SEC23B: variants seen among roughly 807,000 people sequenced by gnomAD.
The protein encoded by SEC23B is SEC23 homolog B, COPII component, also known as protein transport protein Sec23B.
SEC23B carries 77 observed loss-of-function variants against 104.3 expected under a neutral mutation model. That is an observed-to-expected ratio of 0.74 (90% CI 0.61 to 0.89). The LOEUF (loss-of-function observed/expected upper bound fraction) is 0.89, where lower values mean the gene tolerates loss of function less well. Among genes scored for constraint, SEC23B ranks in the 40% least tolerant of loss-of-function variants. SEC23B has a pLI of 0.00. For missense variants in SEC23B, 885 were observed against 949.4 expected, an observed-to-expected ratio of 0.93 and a Z score of 0.89; for synonymous variants, 338 against 332.5, an observed-to-expected ratio of 1.02 and a Z score of -0.18.
intron 4 of SEC23B, among the ~76,000 whole-genome samples, chr20:18,516,248 CTTTT>C (rs71194246): frequency 7.2e-6 from 1 of 139,044 alleles, no homozygotes; most frequent in African/African-American, 2.7e-5. Context: ...CACAGTAATT[CTTTT>C]TTTTTTTTTT....
intron 12 of SEC23B, among the ~76,000 whole-genome samples, chr20:18,537,846 T>G (rs896359684): frequency 6.6e-6 from 1 of 152,208 alleles, no homozygotes; most frequent in African/African-American, 2.4e-5. Flanking sequence ...CATACTCTTT[T>G]GCTGGTGGAA....
intron 12 of SEC23B, 106 bp downstream of exon 12, chr20:18,535,848 G>A: frequency 1.2e-6 from 1 of 865,898 alleles, no homozygotes; most frequent in Non-Finnish European, 1.9e-6. Context: ...ATATTCCTTG[G>A]GTATTGTATT....
chr20:18,519,544 G>A (rs529302854), intron 4 of SEC23B, among the ~76,000 whole-genome samples: 5 of 152,230 alleles, frequency 3.3e-5, no homozygotes, highest in African/African-American at 1.2e-4. Flanking sequence ...TACAGTGCGC[G>A]GTCCCGTTCC....
intron 8 of SEC23B, among the ~76,000 whole-genome samples, chr20:18,526,798 G>GATATTTTGAAAAT (rs1600243900): frequency 6.6e-6 from 1 of 152,144 alleles, no homozygotes; most frequent in East Asian, 1.9e-4. Context: ...ATGATTTCCA[G>GATATTTTGAAAAT]GCCAGTCCCG....
At chr20:18,510,602 T>C (rs927137646) in intron 1 of SEC23B, among the ~76,000 whole-genome samples, 2 of 152,092 alleles carry the variant, frequency 1.3e-5, no homozygotes, top group South Asian at 2.1e-4. Flanking sequence ...CTGCCTCTAC[T>C]AAAAATACAA....
At chr20:18,508,716 CT>C (rs398035473) in intron 1 of SEC23B, among the ~76,000 whole-genome samples, 31 of 97,486 alleles carry the variant, frequency 3.2e-4, no homozygotes, top group African/African-American at 9.9e-4. Flanking sequence ...GCAGTAGCTT[CT>C]TTTTTTTTTT....
At chr20:18,551,279 G>T in intron 17 of SEC23B, 104 bp downstream of exon 17, 1 of 687,814 alleles carries the variant, frequency 1.5e-6, no homozygotes, top group Non-Finnish European at 2.5e-6. Context: ...CCTTAACTAT[G>T]GTTTTTGTTT....
chr20:18,552,156 T>A (rs1424790485), intron 17 of SEC23B, among the ~76,000 whole-genome samples: 6 of 151,678 alleles, frequency 4.0e-5, no homozygotes, highest in Middle Eastern at 6.8e-3. Context: ...AAATTGGTTA[T>A]TGATTTGGTT....
intron 12 of SEC23B, among the ~76,000 whole-genome samples, chr20:18,536,524 C>T (rs1321943054): frequency 6.6e-6 from 1 of 152,084 alleles, no homozygotes; most frequent in Admixed American, 6.5e-5. Flanking sequence ...AACCCTGTCT[C>T]TACTAAAAAT....
intron 15 of SEC23B, 94 bp downstream of exon 15, chr20:18,546,127 G>T (rs2060329413): frequency 3.8e-6 from 3 of 792,492 alleles, no homozygotes; most frequent in Non-Finnish European, 6.6e-6. Flanking sequence ...TTTTTAATGT[G>T]TTGAGACTCA....
At chr20:18,517,517 A>G (rs764487662) in intron 4 of SEC23B, among the ~76,000 whole-genome samples, 2 of 152,116 alleles carry the variant, frequency 1.3e-5, no homozygotes, top group Non-Finnish European at 2.9e-5. Flanking sequence ...GTCATAGGGG[A>G]TATGATGGCT....
chr20:18,546,176 A>G, intron 15 of SEC23B, 143 bp downstream of exon 15: 1 of 650,866 alleles, frequency 1.5e-6, no homozygotes, highest in South Asian at 1.7e-5. Context: ...CAAGTCGAAT[A>G]TGTGTCTAGG....
chr20:18,517,259 A>G (rs767569808), intron 4 of SEC23B, among the ~76,000 whole-genome samples: 1 of 152,146 alleles, frequency 6.6e-6, no homozygotes, highest in Non-Finnish European at 1.5e-5. Flanking sequence ...TAGTTCTTAT[A>G]GGTTTTGGGA....
chr20:18,524,521 A>G lies in SEC23B; in HGVS notation c.455A>G (p.Gln152Arg), dbSNP rs1177316380. The G allele has an allele frequency of 1.2e-6, 2 of 1,614,090 alleles. No homozygotes were observed. Among genetic ancestry groups the G allele is most frequent in the African/African-American group, 1.3e-5 (1 of 74,942 alleles). ...CTTCAAGCACTCAAAGAGTCCCTGC[A>G]GATGTCCCTGAGTCTTCTTCCTCCA... The part of the protein sequence containing the change: ...DDLQALKESL[Q>R]MSLSLLPPDA... Residue 152 changes from glutamine to arginine, a missense_variant, in exon 5 of 20, where the codon CAG (glutamine) becomes CGG (arginine). Physicochemically the swap from Gln to Arg is conservative, Grantham distance 43. Transcript: ENST00000650089.
chr20:18,514,144 A>T (rs2060004576), intron 3 of SEC23B, among the ~76,000 whole-genome samples: 1 of 152,166 alleles, frequency 6.6e-6, no homozygotes, highest in Non-Finnish European at 1.5e-5. Flanking sequence ...ATGTGTCCTA[A>T]GTGGAAATAA....
intron 1 of SEC23B, among the ~76,000 whole-genome samples, chr20:18,509,350 C>G (rs906076793): frequency 1.3e-5 from 2 of 152,178 alleles, no homozygotes; most frequent in Non-Finnish European, 2.9e-5. Context: ...TGGTACTTCC[C>G]AAAATAACAG....
chr20:18,551,620 G>T (rs1423828492), intron 17 of SEC23B, among the ~76,000 whole-genome samples: 1 of 151,944 alleles, frequency 6.6e-6, no homozygotes, highest in Non-Finnish European at 1.5e-5. Context: ...AGGCTGAGAT[G>T]GGAGAATCAC....
intron 12 of SEC23B, 71 bp downstream of exon 12, chr20:18,535,813 C>T: frequency 8.4e-7 from 1 of 1,184,748 alleles, no homozygotes. Context: ...AACCAGTGGT[C>T]TCTGGTTACT....
At chr20:18,547,120 T>C (rs2060339815) in intron 15 of SEC23B, among the ~76,000 whole-genome samples, 1 of 152,010 alleles carries the variant, frequency 6.6e-6, no homozygotes, top group Admixed American at 6.6e-5. Context: ...GATGAAATGC[T>C]TTCTCAGATT....
Sources: allele counts gnomAD v4.1 joint callset (sites outside exome capture counted in the v4.1 genomes callset), GRCh38; gene constraint gnomAD v4.1.1; transcripts MANE v1.5; gene names NCBI Gene and HGNC (gene_info 2026-07-23, HGNC 2026-07-21).